Variants in APAF1 observed in about 807,000 individuals in gnomAD.
APAF1 encodes apoptotic protease-activating factor 1.
In APAF1, 91 loss-of-function variants were observed where a neutral mutation model predicts 152.4. The ratio of observed to expected loss-of-function variants is 0.60; its 90% CI spans 0.50 to 0.71. APAF1 has a LOEUF of 0.71. APAF1 is among the 30% of genes least tolerant of loss of function. APAF1 has a pLI of 0.00. For synonymous variants in APAF1, 484 were observed against 494.1 expected (o/e 0.98, Z 0.27); for missense variants, 1,283 against 1,472.0 (o/e 0.87, Z 2.10).
At chr12:98,722,510 C>T (rs932903854) in intron 22 of APAF1, among the ~76,000 whole-genome samples, 4 of 152,178 alleles carry the variant, frequency 2.6e-5, no homozygotes, top group Non-Finnish European at 5.9e-5. Context: ...ATGTCCTTTA[C>T]ATAGACATAG....
intron 5 of APAF1, among the ~76,000 whole-genome samples, 177 bp from the exon 6 acceptor site, chr12:98,662,279 T>G (rs1255905065): frequency 2.0e-5 from 3 of 151,588 alleles, no homozygotes; most frequent in African/African-American, 7.3e-5. Flanking sequence ...CTTATTTGAA[T>G]CAGCATATTG....
Position 98,665,671 on chromosome 12 carries a change from T to C in APAF1, c.1074T>C (p.Ser358=), listed in dbSNP as rs778671229. The C allele has an allele frequency of 1.2e-6, 2 of 1,613,942 alleles. No individual in the cohort carries two copies. The highest frequency in any genetic ancestry group is 3.3e-5 in the Admixed American group (2 of 59,998). Residue 358 remains serine (S), a synonymous_variant, in exon 8 of 27, where the codon TCT becomes TCC. Transcript: ENST00000551964. ...KQFKRIRKSS[S]YDYEALDEAM... ...TTAAGAGAATAAGGAAATCTTCGTC[T>C]TATGATTATGAGGCTCTAGATGAAG...
chr12:98,719,164 C>G (rs555930609), intron 22 of APAF1, among the ~76,000 whole-genome samples: 1 of 152,282 alleles, frequency 6.6e-6, no homozygotes, highest in East Asian at 1.9e-4. Flanking sequence ...GTCTCCTGCT[C>G]TTCTCTAGTT....
intron 13 of APAF1, among the ~76,000 whole-genome samples, chr12:98,677,757 A>G (rs1185699533): frequency 1.3e-5 from 2 of 152,220 alleles, no homozygotes; most frequent in African/African-American, 4.8e-5. Context: ...TACAGGTGGT[A>G]AGGAAGTGCC....
intron 7 of APAF1, among the ~76,000 whole-genome samples, chr12:98,663,157 G>A (rs1462677396): frequency 6.6e-6 from 1 of 152,114 alleles, no homozygotes; most frequent in Non-Finnish European, 1.5e-5. Context: ...AATTTGGTAA[G>A]TAAAAACTGG....
chr12:98,671,680 A>G lies in APAF1; in HGVS notation c.1754A>G (p.Lys585Arg), dbSNP rs199975148. ...EVYQQAKLQAKQEVDNGMLYL... is the reference protein window; with the variant it reads ...EVYQQAKLQARQEVDNGMLYL... Reference sequence around the variant, plus strand: ...TATCAGCAAGCTAAGCTGCAGGCCAAGCAGGAGGTCGATAATGGAATGCTT... The same window carrying G: ...TATCAGCAAGCTAAGCTGCAGGCCAGGCAGGAGGTCGATAATGGAATGCTT... Residue 585 changes from lysine to arginine, a missense_variant, in exon 12 of 27, where the codon AAG becomes AGG. Coordinates refer to ENST00000551964, the MANE Select transcript of APAF1 (RefSeq NM_181861.2). 14 of 1,614,114 alleles carry G rather than the reference A, an allele frequency of 8.7e-6. No individual in the cohort carries two copies. The highest frequency in any genetic ancestry group is 2.2e-5 in the East Asian group (1 of 44,870).
intron 19 of APAF1, among the ~76,000 whole-genome samples, chr12:98,707,534 C>T (rs1210048490): frequency 1.3e-5 from 2 of 152,070 alleles, no homozygotes; most frequent in Non-Finnish European, 2.9e-5. Context: ...ATTTCCAACA[C>T]TCCACTGCTT....
rs774076296 is a variant in APAF1, at chr12:98,708,696, C to T, written c.2833C>T (p.Arg945Cys). Residue 945 changes from arginine to cysteine, a missense_variant, in exon 20 of 27, where the codon CGT becomes TGT. Arg to Cys is a radical substitution (Grantham distance 180). Coordinates refer to ENST00000551964, the MANE Select transcript of APAF1 (RefSeq NM_181861.2). The part of the protein sequence containing the change: ...VMVLAVDHIR[R>C]LQLINGRTGQ... ...GGTCCTTGCAGTTGACCATATAAGA[C>T]GTCTGCAAGTGAGTATTTTTTAGAA... 13 of 1,613,178 alleles carry T rather than the reference C, an allele frequency of 8.1e-6. No homozygotes were observed. In the East Asian group the frequency reaches 1.1e-4, roughly 14 times the overall value.
Position 98,712,435 on chromosome 12 carries a change from G to A in APAF1, c.2958G>A (p.Glu986=). The part of the protein sequence containing the change: ...IAFGDENGAI[E]ILELVNNRIF... Reference sequence around the variant, plus strand: ...TTGGAGATGAAAATGGAGCCATTGAGGTATTCAGTGCTAGTCTTCAGAATC... The same window carrying A: ...TTGGAGATGAAAATGGAGCCATTGAAGTATTCAGTGCTAGTCTTCAGAATC... The change falls in exon 21 of 27, where the codon GAG becomes GAA. Residue 986 remains glutamate (E), a splice_region_variant and synonymous_variant. Transcript: ENST00000551964. The A allele has an allele frequency of 1.3e-6, 2 of 1,508,710 alleles. No individual in the cohort carries two copies. The highest frequency in any genetic ancestry group is 1.8e-6 in the Non-Finnish European group (2 of 1,084,104). 93.5% of individuals were successfully genotyped at this position (1,508,710 alleles called of 1,614,324 possible).
In APAF1 at chr12:98,649,480, A is replaced by G; in HGVS notation, c.329-7A>G. ...TTCATTCATGCTTGTTTTGTTTTGG[A>G]TTTTAGTAAGGACAGTCCTGTGTGA... On this transcript the variant is annotated splice_polypyrimidine_tract_variant and splice_region_variant and intron_variant, in intron 3 of 26. Transcript: ENST00000551964. 6.2e-7 allele frequency: 1 copy of G among 1,613,776 alleles called. No homozygotes were observed. Among genetic ancestry groups the G allele is most frequent in the Non-Finnish European group, 8.5e-7 (1 of 1,179,828 alleles).
At chr12:98,712,050 C>T (rs2097728426) in intron 20 of APAF1, among the ~76,000 whole-genome samples, 1 of 152,156 alleles carries the variant, frequency 6.6e-6, no homozygotes, top group Non-Finnish European at 1.5e-5. Flanking sequence ...AGATGTGTCT[C>T]AGGTGGCGGG....
Position 98,723,720 on chromosome 12 carries a change from G to A in APAF1, c.3286G>A (p.Asp1096Asn), listed in dbSNP as rs538479133. Residue 1096 changes from aspartate to asparagine, a missense_variant, in exon 24 of 27, where the codon GAT (aspartate) becomes AAT (asparagine). Asp to Asn is a conservative substitution (Grantham distance 23, BLOSUM62 1). Coordinates refer to ENST00000551964, the MANE Select transcript of APAF1 (RefSeq NM_181861.2). ...GTVLSCDISH[D>N]ATKFSSTSAD... ...AGTACTTTCTTGTGACATTTCTCAC[G>A]ATGCTACCAAGTTTTCATCTACCTC... 54 of 1,613,280 alleles carry A rather than the reference G, an allele frequency of 3.3e-5. No individual in the cohort carries two copies. In the South Asian group the frequency reaches 4.0e-4, roughly 12 times the overall value.
intron 4 of APAF1, among the ~76,000 whole-genome samples, chr12:98,654,393 T>C (rs1407226306): frequency 1.3e-5 from 2 of 152,162 alleles, no homozygotes; most frequent in African/African-American, 4.8e-5. Context: ...TTACCTTTAA[T>C]CTTGGGATGA....
chr12:98,694,387 T>C (rs1159758832), intron 16 of APAF1, among the ~76,000 whole-genome samples: 1 of 152,186 alleles, frequency 6.6e-6, no homozygotes, highest in Non-Finnish European at 1.5e-5. Context: ...GTTCTGGCAT[T>C]TCCTTGAATT....
intron 16 of APAF1, among the ~76,000 whole-genome samples, 156 bp downstream of exon 16, chr12:98,687,029 G>A (rs568115044): frequency 5.9e-5 from 9 of 152,218 alleles, no homozygotes; most frequent in African/African-American, 1.7e-4. Flanking sequence ...ATTGCTTATC[G>A]TAATGATTGT....
At chr12:98,710,928 A>G (rs1377149683) in intron 20 of APAF1, among the ~76,000 whole-genome samples, 1 of 152,202 alleles carries the variant, frequency 6.6e-6, no homozygotes, top group African/African-American at 2.4e-5. Flanking sequence ...TACAGGGTCA[A>G]AGTAGAATCC....
At chr12:98,660,418 T>C (rs2097663594) in intron 5 of APAF1, among the ~76,000 whole-genome samples, 1 of 152,212 alleles carries the variant, frequency 6.6e-6, no homozygotes, top group Non-Finnish European at 1.5e-5. Context: ...TCTAGAAATA[T>C]ACGTGTAACT....
At chr12:98,689,928 A>G (rs7963633) in intron 16 of APAF1, among the ~76,000 whole-genome samples, 3,838 of 152,248 alleles carry the variant, frequency 0.025, 147 homozygotes, top group African/African-American at 0.087. Flanking sequence ...TTCTTTGATT[A>G]GGTTGAATAT....
chr12:98,684,482 T>G (rs1213074466), intron 15 of APAF1, among the ~76,000 whole-genome samples: 3 of 148,300 alleles, frequency 2.0e-5, no homozygotes, highest in African/African-American at 5.0e-5. Flanking sequence ...TTCTGTCTCC[T>G]CCTCCTCCTC....
Sources: allele counts gnomAD v4.1 joint callset (sites outside exome capture counted in the v4.1 genomes callset), GRCh38; gene constraint gnomAD v4.1.1; transcripts MANE v1.5; gene names NCBI Gene and HGNC (gene_info 2026-07-23, HGNC 2026-07-21).